The following ANKRD30BL variants were observed in gnomAD, a reference collection of about 807,000 sequenced individuals.
The protein encoded by ANKRD30BL is putative ankyrin repeat domain-containing protein 30B-like.
Under a neutral mutation model 18.4 loss-of-function variants are expected in ANKRD30BL, and 20 were observed. The observed-to-expected ratio is 1.09, with a 90% CI of 0.77 to 1.58. The LOEUF is 1.58. Among genes scored for constraint, ANKRD30BL ranks in the 40% most tolerant of loss-of-function variants. The pLI is 0.00. For missense variants in ANKRD30BL, 224 were observed against 268.6 expected (o/e 0.83, Z 1.16); for synonymous variants, 72 against 100.9 (o/e 0.71, Z 1.72).
intron 1 of ANKRD30BL, among the ~76,000 whole-genome samples, chr2:132,221,341 G>A (rs1260910499): frequency 4.5e-3 from 660 of 145,870 alleles, no homozygotes; most frequent in African/African-American, 0.016. Flanking sequence ...CCCCCCGCCC[G>A]GCCAGCCGCC....
intron 1 of ANKRD30BL, among the ~76,000 whole-genome samples, chr2:132,254,438 G>C (rs62164989): frequency 0.068 from 9,667 of 143,116 alleles, 357 homozygotes; most frequent in South Asian, 0.14. Flanking sequence ...TCAGCGTTCC[G>C]CCAGGGCAGT....
chr2:132,245,710 T>C (rs1573889621), intron 1 of ANKRD30BL, among the ~76,000 whole-genome samples: 1 of 152,174 alleles, frequency 6.6e-6, no homozygotes, highest in African/African-American at 2.4e-5. Context: ...AGAGCAGTTT[T>C]GAAACACTCT....
chr2:132,255,455 CGA>C (rs1680803937), intron 1 of ANKRD30BL, among the ~76,000 whole-genome samples: 2 of 151,940 alleles, frequency 1.3e-5, no homozygotes, highest in African/African-American at 4.8e-5. Flanking sequence ...CAGGGGGCAC[CGA>C]GAGGCAAGAA....
chr2:132,202,587 T>C (rs917098051), intron 1 of ANKRD30BL, among the ~76,000 whole-genome samples: 1 of 152,042 alleles, frequency 6.6e-6, no homozygotes, highest in African/African-American at 2.4e-5. Context: ...TTTATATAAA[T>C]GTGATATAAC....
At chr2:132,164,819 C>A (rs192598504), upstream of ANKRD30BL, among the ~76,000 whole-genome samples, 1,049 of 152,202 alleles carry the variant, frequency 6.9e-3, 12 homozygotes, top group African/African-American at 0.022. Context: ...CGCCTGTAAT[C>A]CCAGCACTTT....
At chr2:132,169,644 TAAAAAAAA>T (rs60507906) in intron 1 of ANKRD30BL, among the ~76,000 whole-genome samples, 1 of 90,874 alleles carries the variant, frequency 1.1e-5, no homozygotes, top group African/African-American at 4.2e-5. Flanking sequence ...ATACTCTGTC[TAAAAAAAA>T]AAAAAAAAAA....
At chr2:132,185,542 A>T (rs942191806) in intron 1 of ANKRD30BL, among the ~76,000 whole-genome samples, 3 of 152,216 alleles carry the variant, frequency 2.0e-5, no homozygotes, top group Non-Finnish European at 4.4e-5. Flanking sequence ...CATATTGATT[A>T]TAGTGGGAAG....
At chr2:132,248,587 T>G (rs372058242) in intron 1 of ANKRD30BL, among the ~76,000 whole-genome samples, 8 of 151,738 alleles carry the variant, frequency 5.3e-5, no homozygotes, top group African/African-American at 1.7e-4. Context: ...TTCTCTGAAA[T>G]CTTCTGTCTA....
chr2:132,191,595 A>T (rs1299753585), intron 1 of ANKRD30BL, among the ~76,000 whole-genome samples: 1 of 152,032 alleles, frequency 6.6e-6, no homozygotes, highest in African/African-American at 2.4e-5. Context: ...TTGCATTTTG[A>T]TTTTTAAGTT....
intron 1 of ANKRD30BL, among the ~76,000 whole-genome samples, chr2:132,221,701 A>G (rs1408405120): frequency 9.3e-6 from 1 of 107,282 alleles, no homozygotes; most frequent in African/African-American, 5.1e-5. Context: ...TGGGGGGATC[A>G]GCCCCCTGCC....
rs555310288 is a variant in ANKRD30BL at position 132,235,343 on chromosome 2, C to T, written n.441+22186G>A. On this transcript the variant is annotated intron_variant and non_coding_transcript_variant, in intron 1 of 4. Transcript: ENST00000470729. ...GGGTTGGAAGTTCTGACCAGGGCAACTAGGCAGGAGAAGGAAATAAAGAGT... is the reference window on the plus strand; with the variant it reads ...GGGTTGGAAGTTCTGACCAGGGCAATTAGGCAGGAGAAGGAAATAAAGAGT... Among the ~76,000 whole-genome samples the T allele has an allele frequency of 3.9e-4, 59 of 152,070 alleles. 1 individual carries two copies. The East Asian group carries it at 0.011, about 27-fold the overall frequency.
chr2:132,228,719 G>T (rs1416328971), intron 1 of ANKRD30BL, among the ~76,000 whole-genome samples: 1 of 146,350 alleles, frequency 6.8e-6, no homozygotes, highest in Non-Finnish European at 1.5e-5. Flanking sequence ...TGTAGAATCT[G>T]CAAGCGGACA....
intron 1 of ANKRD30BL, among the ~76,000 whole-genome samples, chr2:132,215,934 T>C (rs1237841492): frequency 6.6e-6 from 1 of 151,854 alleles, no homozygotes; most frequent in Non-Finnish European, 1.5e-5. Context: ...TCTCACAGAG[T>C]TGAACCTTTC....
chr2:132,222,139 C>T (rs1266163668), intron 1 of ANKRD30BL, among the ~76,000 whole-genome samples: 1 of 147,806 alleles, frequency 6.8e-6, no homozygotes, highest in Admixed American at 6.8e-5. Flanking sequence ...TGAGGGGCGC[C>T]TCTGCCCGGC....
At chr2:132,219,047 C>G (rs1420400399) in intron 1 of ANKRD30BL, among the ~76,000 whole-genome samples, 5 of 151,486 alleles carry the variant, frequency 3.3e-5, no homozygotes, top group African/African-American at 9.7e-5. Context: ...AGAGTTGAAC[C>G]TTTCTTTTGA....
chr2:132,180,980 T>C (rs999853606), intron 1 of ANKRD30BL, among the ~76,000 whole-genome samples: 2 of 151,862 alleles, frequency 1.3e-5, no homozygotes, highest in African/African-American at 4.8e-5. Flanking sequence ...ACTCCATCTC[T>C]ACTAAACATA....
intron 1 of ANKRD30BL, among the ~76,000 whole-genome samples, chr2:132,211,855 C>G (rs1679362725): frequency 6.6e-6 from 1 of 151,924 alleles, no homozygotes; most frequent in African/African-American, 2.4e-5. Flanking sequence ...TTTGTAGAAT[C>G]TGCAAGTGGA....
chr2:132,237,217 T>C (rs1680174037), intron 1 of ANKRD30BL, among the ~76,000 whole-genome samples: 1 of 152,020 alleles, frequency 6.6e-6, no homozygotes. Context: ...ATGGCGCAAG[T>C]ATACATATGT....
chr2:132,150,345 T>C (rs1687727335), intron 5 of ANKRD30BL, among the ~76,000 whole-genome samples: 1 of 146,810 alleles, frequency 6.8e-6, no homozygotes, highest in East Asian at 2.1e-4. Context: ...TGTTTCTTTA[T>C]AGGTTATAAT....
Sources: allele counts gnomAD v4.1 joint callset (sites outside exome capture counted in the v4.1 genomes callset), GRCh38; gene constraint gnomAD v4.1.1; transcripts MANE v1.5; gene names NCBI Gene and HGNC (gene_info 2026-07-23, HGNC 2026-07-21).